The following PHF14 variants were observed in gnomAD, a reference collection of about 807,000 sequenced individuals.
The protein encoded by PHF14 is PHD finger protein 14.
A neutral mutation model predicts 117.9 loss-of-function variants in PHF14; 55 were observed. The ratio of observed to expected loss-of-function variants is 0.47; its 90% confidence interval spans 0.38 to 0.58. The LOEUF (loss-of-function observed/expected upper bound fraction) is 0.58, where lower values mean the gene tolerates loss of function less well. Among genes scored for constraint, PHF14 ranks in the 20% least tolerant of loss-of-function variants. The probability of loss-of-function intolerance (pLI) is 0.00; values close to 1 mark genes in which losing one functional copy is unlikely to be tolerated. For synonymous variants in PHF14, 409 were observed against 368.6 expected, an observed-to-expected ratio of 1.11 and a Z score of -1.26; for missense variants, 978 against 1,122.2, an observed-to-expected ratio of 0.87 and a Z score of 1.84.
intron 16 of PHF14, among the ~76,000 whole-genome samples, chr7:11,089,653 T>G (rs1786562714): frequency 1.3e-5 from 2 of 152,188 alleles, no homozygotes; most frequent in South Asian, 4.1e-4. Context: ...GAGCAAAGTA[T>G]TATGAGTAGA....
intron 17 of PHF14, among the ~76,000 whole-genome samples, chr7:11,128,975 T>C (rs1788012375): frequency 6.6e-6 from 1 of 152,052 alleles, no homozygotes; most frequent in African/African-American, 2.4e-5. Flanking sequence ...GTCATGCTAT[T>C]GATCTTTTTA....
intron 4 of PHF14, among the ~76,000 whole-genome samples, chr7:11,005,026 AT>A (rs1783030842): frequency 1.3e-5 from 2 of 152,182 alleles, no homozygotes; most frequent in African/African-American, 4.8e-5. Context: ...CAAAAAAAAA[AT>A]GTATAATGTC....
At chr7:11,104,622 GA>G (rs1180258150) in intron 16 of PHF14, 32 of 983,034 alleles carry the variant, frequency 3.3e-5, no homozygotes, top group Non-Finnish European at 8.5e-6. Context: ...AAATGTCTCT[GA>G]AATACAGGAA....
chr7:10,978,675 G>T (rs1781949934), intron 2 of PHF14, among the ~76,000 whole-genome samples: 1 of 152,088 alleles, frequency 6.6e-6, no homozygotes, highest in Non-Finnish European at 1.5e-5. Context: ...TACCCAGTAG[G>T]ATGTTTAGCA....
rs183236388 is a variant in PHF14 at position 11,049,703 on chromosome 7, C to A, written c.2313-1909C>A. ...ATATCTAACATTTCTGGGGTTTTCA[C>A]AGTTCTGCTAATAAAGTCAGAATAT... On this transcript the variant is annotated intron_variant, in intron 13 of 17. Coordinates refer to ENST00000634607, the MANE Select transcript of PHF14 (RefSeq NM_001007157.2). Among the ~76,000 whole-genome samples, 111 of 152,272 alleles carry A rather than the reference C, an allele frequency of 7.3e-4. 2 individuals are homozygous for A. Among genetic ancestry groups the A allele is most frequent in the Admixed American group, 7.1e-3 (108 of 15,292 alleles).
At chr7:11,049,586 AGTGAAGCAGT>A (rs1784785384) in intron 13 of PHF14, among the ~76,000 whole-genome samples, 1 of 152,198 alleles carries the variant, frequency 6.6e-6, no homozygotes, top group Non-Finnish European at 1.5e-5. Flanking sequence ...AATGCTGAAA[AGTGAAGCAGT>A]GTGCCTTTTT....
intron 16 of PHF14, among the ~76,000 whole-genome samples, chr7:11,089,479 C>T (rs1786556355): frequency 6.6e-6 from 1 of 151,964 alleles, no homozygotes; most frequent in Non-Finnish European, 1.5e-5. Context: ...TGGCTTGAGC[C>T]CAGGAGTTCA....
intron 4 of PHF14, among the ~76,000 whole-genome samples, chr7:10,991,757 T>TA (rs1782460712): frequency 1.7e-5 from 2 of 118,384 alleles, no homozygotes; most frequent in African/African-American, 6.8e-5. Flanking sequence ...TTTAATTTTT[T>TA]AATTTTTTTT....
intron 4 of PHF14, among the ~76,000 whole-genome samples, chr7:11,004,246 CAAAAAAAAAA>C (rs55917513): frequency 2.0e-5 from 1 of 51,264 alleles, no homozygotes; most frequent in South Asian, 8.0e-4. Context: ...GACTTTGTCT[CAAAAAAAAAA>C]AAAAAAAAAA....
At chr7:11,032,857 A>G (rs910171051) in intron 7 of PHF14, among the ~76,000 whole-genome samples, 20 of 152,212 alleles carry the variant, frequency 1.3e-4, no homozygotes, top group African/African-American at 4.8e-4. Flanking sequence ...AGTTACCTCT[A>G]TTTAGAAATC....
At chr7:11,061,235 A>T (rs1225925816) in intron 14 of PHF14, 1 of 152,232 alleles carries the variant, frequency 6.6e-6, no homozygotes, top group African/African-American at 2.4e-5. Flanking sequence ...TAGCTAAATT[A>T]GTTTAAAATG....
intron 16 of PHF14, among the ~76,000 whole-genome samples, chr7:11,095,217 A>G (rs1176219449): frequency 1.3e-5 from 2 of 152,206 alleles, no homozygotes; most frequent in African/African-American, 4.8e-5. Flanking sequence ...TTATACACTT[A>G]TTTAATCCTT....
chr7:11,069,554 A>G (rs1011346493), intron 16 of PHF14, among the ~76,000 whole-genome samples: 2 of 150,566 alleles, frequency 1.3e-5, no homozygotes, highest in African/African-American at 4.9e-5. Flanking sequence ...TTTTAATTTT[A>G]TTTGCTAATA....
intron 10 of PHF14, among the ~76,000 whole-genome samples, chr7:11,037,547 ACTTTT>A (rs1183497189): frequency 6.6e-6 from 1 of 152,128 alleles, no homozygotes; most frequent in Non-Finnish European, 1.5e-5. Flanking sequence ...AAATTTAGAA[ACTTTT>A]CTTTAAATTA....
At chr7:11,063,434 C>G (rs1312940201) in intron 16 of PHF14, 1 of 971,030 alleles carries the variant, frequency 1.0e-6, no homozygotes, top group Non-Finnish European at 1.2e-6. Flanking sequence ...AAAAAAATAA[C>G]AATCTTATAT....
At chr7:11,155,688 T>TA (rs1273585915) in intron 17 of PHF14, among the ~76,000 whole-genome samples, 2 of 152,200 alleles carry the variant, frequency 1.3e-5, no homozygotes, top group Non-Finnish European at 2.9e-5. Flanking sequence ...ATGATACAGT[T>TA]ACTTGAGTGA....
intron 4 of PHF14, among the ~76,000 whole-genome samples, chr7:11,001,245 C>T (rs1352294957): frequency 6.6e-6 from 1 of 152,152 alleles, no homozygotes; most frequent in Non-Finnish European, 1.5e-5. Flanking sequence ...TGTTCATCAA[C>T]TGACCTATAT....
chr7:11,087,547 A>G (rs1050236143), intron 16 of PHF14, among the ~76,000 whole-genome samples: 2 of 152,116 alleles, frequency 1.3e-5, no homozygotes, highest in African/African-American at 4.8e-5. Flanking sequence ...TATAGGTACT[A>G]TGATATTGGG....
intron 4 of PHF14, among the ~76,000 whole-genome samples, chr7:11,000,737 G>A (rs1782835806): frequency 6.6e-6 from 1 of 152,088 alleles, no homozygotes; most frequent in African/African-American, 2.4e-5. Context: ...AGTTTTAAGA[G>A]TTCCTTGTAT....
Sources: allele counts gnomAD v4.1 joint callset (sites outside exome capture counted in the v4.1 genomes callset), GRCh38; gene constraint gnomAD v4.1.1; transcripts MANE v1.5; gene names NCBI Gene and HGNC (gene_info 2026-07-23, HGNC 2026-07-21).